The following SLC37A3 variants were observed in gnomAD, a reference collection of about 807,000 sequenced individuals.
The protein encoded by SLC37A3 is solute carrier family 37 member 3.
SLC37A3 carries 51 observed loss-of-function variants against 67.1 expected under a neutral mutation model. The ratio of observed to expected loss-of-function variants is 0.76; its 90% CI spans 0.61 to 0.96. SLC37A3 has a LOEUF of 0.96. Ranked by LOEUF, SLC37A3 falls within the 40% of genes least tolerant of loss-of-function variation. The probability of loss-of-function intolerance (pLI) is 0.00; values close to 1 mark genes in which losing one functional copy is unlikely to be tolerated. For synonymous variants in SLC37A3, 214 were observed against 231.4 expected (o/e 0.92, Z 0.68); for missense variants, 508 against 603.0 (o/e 0.84, Z 1.65).
At chr7:140,377,926 G>T (rs1463232750) in intron 3 of SLC37A3, among the ~76,000 whole-genome samples, 1 of 152,064 alleles carries the variant, frequency 6.6e-6, no homozygotes, top group Non-Finnish European at 1.5e-5. Flanking sequence ...CCTCTGGGAA[G>T]CTTGGCCTGG....
chr7:140,362,424 G>A (rs1296564682), intron 5 of SLC37A3, among the ~76,000 whole-genome samples: 57 of 147,374 alleles, frequency 3.9e-4, no homozygotes, highest in African/African-American at 1.3e-3. Flanking sequence ...GAGGTGGGGG[G>A]GGGGGTCAGC....
At position 140,348,715 on chromosome 7, in the gene SLC37A3, C is replaced by CAGA; in HGVS notation, c.932_934dup (p.Phe311dup). The CAGA allele has an allele frequency of 6.2e-7, 1 of 1,614,028 alleles. No homozygotes were observed. Among genetic ancestry groups the CAGA allele is most frequent in the Non-Finnish European group, 8.5e-7 (1 of 1,180,018 alleles). ...GTTGTTACTCAGATAAAAGGGGAGCCAGAAGAAGAAGGAGTAATTCACTAA... is the reference window on the plus strand; with the variant it reads ...GTTGTTACTCAGATAAAAGGGGAGCCAGAAGAAGAAGAAGGAGTAATTCACTAA... On this transcript the variant is annotated inframe_insertion, in exon 10 of 15. Coordinates refer to ENST00000326232, the MANE Select transcript of SLC37A3 (RefSeq NM_207113.3).
At chr7:140,362,650 A>G (rs1585307383) in intron 5 of SLC37A3, among the ~76,000 whole-genome samples, 2 of 49,664 alleles carry the variant, frequency 4.0e-5, no homozygotes, top group African/African-American at 1.5e-4. Flanking sequence ...CTGCCCGGCC[A>G]GCCGCCCCGT....
At chr7:140,393,149 CT>C (rs1798787361) in intron 1 of SLC37A3, among the ~76,000 whole-genome samples, 1 of 152,122 alleles carries the variant, frequency 6.6e-6, no homozygotes, top group African/African-American at 2.4e-5. Flanking sequence ...CCCTGATCTC[CT>C]AACCAGTTTC....
chr7:140,360,353 C>A (rs1196850936), intron 5 of SLC37A3, among the ~76,000 whole-genome samples: 1 of 151,930 alleles, frequency 6.6e-6, no homozygotes, highest in Non-Finnish European at 1.5e-5. Context: ...AAATAATAAT[C>A]ATAATAAATT....
intron 1 of SLC37A3, 126 bp downstream of exon 1, chr7:140,398,290 G>C (rs943052290): frequency 2.0e-5 from 3 of 152,300 alleles, no homozygotes; most frequent in Non-Finnish European, 4.4e-5. Flanking sequence ...ACCCTGCCTG[G>C]GCGCCCCACC....
At chr7:140,382,292 G>GGC in intron 2 of SLC37A3, 146 bp downstream of exon 2, 1 of 679,780 alleles carries the variant, frequency 1.5e-6, no homozygotes, top group South Asian at 2.1e-5. Context: ...CCAGAACTAC[G>GGC]ATATTACAGC....
intron 10 of SLC37A3, among the ~76,000 whole-genome samples, chr7:140,347,658 GCA>G (rs1291293863): frequency 3.3e-5 from 5 of 151,718 alleles, no homozygotes; most frequent in Non-Finnish European, 7.4e-5. Context: ...TTAAGATCTG[GCA>G]CAGCCATGTA....
chr7:140,346,818 C>T (rs1190205082), intron 10 of SLC37A3, among the ~76,000 whole-genome samples: 1 of 152,104 alleles, frequency 6.6e-6, no homozygotes, highest in African/African-American at 2.4e-5. Flanking sequence ...GGCTTGAGCC[C>T]AGGAGGTTGA....
At chr7:140,383,242 T>C (rs1476764105) in intron 1 of SLC37A3, among the ~76,000 whole-genome samples, 2 of 150,444 alleles carry the variant, frequency 1.3e-5, no homozygotes, top group African/African-American at 4.9e-5. Flanking sequence ...CCTTAAAAAA[T>C]ACAGATGTGT....
At position 140,380,278 on chromosome 7, in the gene SLC37A3, T is replaced by C. The variant is rs914863966; in HGVS notation, c.198+4A>G. The C allele has an allele frequency of 1.3e-6, 2 of 1,595,366 alleles. No individual in the cohort carries two copies. Among genetic ancestry groups the C allele is most frequent in the Non-Finnish European group, 1.7e-6 (2 of 1,163,482 alleles). On this transcript the variant is annotated splice_donor_region_variant and intron_variant, in intron 3 of 14. Transcript: ENST00000326232. Reference sequence around the variant, plus strand: ...GATCCATCCCAGCACTCTGTTCTGCTTACCTCCACAGGCAGCTCAACTGAC... The same window carrying C: ...GATCCATCCCAGCACTCTGTTCTGCCTACCTCCACAGGCAGCTCAACTGAC...
At chr7:140,366,999 A>C (rs1797627400) in intron 4 of SLC37A3, among the ~76,000 whole-genome samples, 1 of 152,018 alleles carries the variant, frequency 6.6e-6, no homozygotes, top group Non-Finnish European at 1.5e-5. Context: ...TTAGCAGGGC[A>C]TGGTGGCACA....
chr7:140,361,429 C>A (rs1797269351), intron 5 of SLC37A3, among the ~76,000 whole-genome samples: 1 of 149,084 alleles, frequency 6.7e-6, no homozygotes, highest in African/African-American at 2.5e-5. Context: ...TTGTGGTGAG[C>A]CAAGATTGTG....
At chr7:140,337,116 AAAAGAAG>A (rs1258357467) in intron 14 of SLC37A3, among the ~76,000 whole-genome samples, 161 bp downstream of exon 14, 290 of 149,416 alleles carry the variant, frequency 1.9e-3, no homozygotes, top group African/African-American at 6.4e-3. Context: ...AAAAAAAAAA[AAAAGAAG>A]AAGAAGAAGA....
chr7:140,340,942 A>AG (rs1400431278), intron 13 of SLC37A3, among the ~76,000 whole-genome samples: 1 of 130,058 alleles, frequency 7.7e-6, no homozygotes. Context: ...AAAAAAAAAA[A>AG]ATAGAGAGAG....
At chr7:140,351,579 A>G (rs767054133) in intron 8 of SLC37A3, 128 bp from the exon 9 acceptor site, 8 of 936,638 alleles carry the variant, frequency 8.5e-6, no homozygotes, top group Non-Finnish European at 1.1e-5. Flanking sequence ...GAAGGTCCAG[A>G]GACCGAGGTC....
intron 3 of SLC37A3, among the ~76,000 whole-genome samples, chr7:140,376,332 G>A (rs529465449): frequency 1.3e-5 from 2 of 152,242 alleles, no homozygotes; most frequent in South Asian, 2.1e-4. Context: ...TATACTACTC[G>A]GTTAGAAATG....
intron 1 of SLC37A3, among the ~76,000 whole-genome samples, chr7:140,389,876 A>T (rs1052906830): frequency 6.6e-6 from 1 of 152,128 alleles, no homozygotes; most frequent in Admixed American, 6.6e-5. Flanking sequence ...CAAGAGGATC[A>T]TTTGAGGCCA....
Position 140,369,589 on chromosome 7 carries a change from C to T in SLC37A3, c.291+1G>A. ...TTAAGCCCTAGAGTTCCAAAACTTACCACAGCATAGGAGAAGAGGAAAATG... is the reference window on the plus strand; with the variant it reads ...TTAAGCCCTAGAGTTCCAAAACTTATCACAGCATAGGAGAAGAGGAAAATG... On this transcript the variant is annotated splice_donor_variant, in intron 4 of 14. Coordinates refer to ENST00000326232, the MANE Select transcript of SLC37A3 (RefSeq NM_207113.3). LOFTEE classifies it high-confidence loss of function. 1 of 1,613,524 alleles carries T rather than the reference C, an allele frequency of 6.2e-7. No individual in the cohort carries two copies. Among genetic ancestry groups the T allele is most frequent in the Non-Finnish European group, 8.5e-7 (1 of 1,179,684 alleles).
Sources: gnomAD v4.1 joint callset for allele counts (sites outside exome capture counted in the v4.1 genomes callset) on GRCh38, gnomAD v4.1.1 for gene constraint, MANE v1.5 for transcripts, NCBI Gene and HGNC (gene_info 2026-07-23, HGNC 2026-07-21) for gene names.